The following CSPP1 variants were observed in gnomAD, a reference collection of about 807,000 sequenced individuals.
CSPP1 encodes the protein centrosome and spindle pole-associated protein 1.
Under a neutral mutation model 164.4 loss-of-function variants are expected in CSPP1, and 126 were observed. The ratio of observed to expected loss-of-function variants is 0.77; its 90% CI spans 0.66 to 0.89. CSPP1 has a LOEUF of 0.89. Ranked by LOEUF, CSPP1 falls within the 40% of genes least tolerant of loss-of-function variation. The pLI is 0.00. For synonymous variants in CSPP1, 472 were observed against 476.7 expected (o/e 0.99, Z 0.13); for missense variants, 1,395 against 1,449.8 (o/e 0.96, Z 0.61).
In CSPP1 at chr8:67,074,296, G is replaced by C; in HGVS notation, c.44G>C (p.Arg15Thr). ...GAATTTATTGAAGAGCAAAAAGCCA[G>C]ATTGGCCGAAGACAAAGCAGAGTTG... ...LDEFIEEQKA[R>T]LAEDKAELES... Residue 15 changes from arginine to threonine, a missense_variant, in exon 2 of 31, where the codon AGA becomes ACA. Arg to Thr is a moderately conservative substitution (Grantham distance 71). Transcript: ENST00000678616. 1 of 1,611,624 alleles carries C rather than the reference G, an allele frequency of 6.2e-7. No individual in the cohort carries two copies. Among genetic ancestry groups the C allele is most frequent in the Non-Finnish European group, 8.5e-7 (1 of 1,178,932 alleles).
intron 5 of CSPP1, 28 bp downstream of exon 5, chr8:67,091,911 G>T: frequency 9.7e-7 from 1 of 1,027,654 alleles, no homozygotes. Context: ...GTTATTGTGG[G>T]TACCAGTTTT....
Position 67,190,676 on chromosome 8 carries a change from A to T in CSPP1, c.3247A>T (p.Ile1083Phe). ...GGCTTACGGTGAGACATATCCTGCC[A>T]TTGAAGATGACGTCCTCCCTCCACC... Reference protein sequence around the residue: ...IGAYGETYPAIEDDVLPPPSQ... With the variant: ...IGAYGETYPAFEDDVLPPPSQ... The change falls in exon 29 of 31, where the codon ATT becomes TTT. Residue 1083 changes from isoleucine to phenylalanine, a missense_variant. Ile to Phe is a conservative substitution (Grantham distance 21, BLOSUM62 0). Coordinates refer to ENST00000678616, the MANE Select transcript of CSPP1 (RefSeq NM_001382391.1). The T allele has an allele frequency of 2.5e-6, 4 of 1,614,142 alleles. No individual in the cohort carries two copies. The highest frequency in any genetic ancestry group is 3.4e-6 in the Non-Finnish European group (4 of 1,179,994).
At position 67,195,590 on chromosome 8, in the gene CSPP1, T is replaced by C. The variant is rs766225860; in HGVS notation, c.3678T>C (p.Gly1226=). The C allele has an allele frequency of 6.2e-7, 1 of 1,613,872 alleles. No individual in the cohort carries two copies. The highest frequency in any genetic ancestry group is 8.5e-7 in the Non-Finnish European group (1 of 1,179,822). ...GGCAGGGCCTGTCGACTGCACATGG[T>C]TAAAATAAACCTGTACTGGACCCAG... ...FTWQGLSTAH[G] is the part of the protein sequence containing the mutation. Residue 1226 remains glycine (G), a synonymous_variant, in exon 31 of 31, where the codon GGT becomes GGC. Coordinates refer to ENST00000678616, the MANE Select transcript of CSPP1 (RefSeq NM_001382391.1).
At chr8:67,094,056 G>C (rs1812173390) in intron 6 of CSPP1, among the ~76,000 whole-genome samples, 1 of 120,950 alleles carries the variant, frequency 8.3e-6, no homozygotes, top group Non-Finnish European at 1.6e-5. Flanking sequence ...GGAGGCAGAG[G>C]TTGCAGTGAG....
At chr8:67,143,231 T>C (rs1823856273) in intron 17 of CSPP1, among the ~76,000 whole-genome samples, 1 of 152,100 alleles carries the variant, frequency 6.6e-6, no homozygotes, top group Non-Finnish European at 1.5e-5. Flanking sequence ...ATTTCTATCC[T>C]TTTGCCCGTA....
chr8:67,140,841 G>T (rs1323283634), intron 17 of CSPP1, among the ~76,000 whole-genome samples: 1 of 152,090 alleles, frequency 6.6e-6, no homozygotes, highest in Non-Finnish European at 1.5e-5. Flanking sequence ...TTTTCTTCTT[G>T]TCCAGGGACA....
chr8:67,129,329 C>G (rs926317173), intron 15 of CSPP1, among the ~76,000 whole-genome samples: 1 of 151,728 alleles, frequency 6.6e-6, no homozygotes, highest in Non-Finnish European at 1.5e-5. Context: ...AAGGAAGGTA[C>G]AAGGATTAGA....
At chr8:67,077,934 A>G (rs918517197) in intron 3 of CSPP1, among the ~76,000 whole-genome samples, 10 of 152,322 alleles carry the variant, frequency 6.6e-5, no homozygotes, top group African/African-American at 2.2e-4. Context: ...AATCTCTTAT[A>G]AATTATTAAT....
intron 9 of CSPP1, among the ~76,000 whole-genome samples, chr8:67,110,527 A>G (rs1013062623): frequency 1.3e-5 from 2 of 152,126 alleles, no homozygotes; most frequent in African/African-American, 4.8e-5. Context: ...CACTCTGTGA[A>G]TGCACAAACT....
At chr8:67,180,875 A>G (rs112210869) in intron 28 of CSPP1, among the ~76,000 whole-genome samples, 3,358 of 152,048 alleles carry the variant, frequency 0.022, 80 homozygotes, top group South Asian at 0.046. Flanking sequence ...TTAAAGTAGT[A>G]TACACTTACG....
chr8:67,158,531 C>A lies in CSPP1; in HGVS notation c.2326C>A (p.Gln776Lys), dbSNP rs1827108150. 1 of 1,612,108 alleles carries A rather than the reference C, an allele frequency of 6.2e-7. No individual in the cohort carries two copies. Among genetic ancestry groups the A allele is most frequent in the Admixed American group, 1.7e-5 (1 of 59,916 alleles). ...EEKEERRLAE[Q>K]RARIQQEYEE... ...AAAAGAAGAAAGACGGCTTGCAGAA[C>A]AGAGGGCACGAATTCAGCAGGAGTA... Residue 776 changes from glutamine to lysine, a missense_variant, in exon 20 of 31, where the codon CAG becomes AAG. Gln to Lys is a moderately conservative substitution (Grantham distance 53, BLOSUM62 1). Transcript: ENST00000678616.
intron 3 of CSPP1, among the ~76,000 whole-genome samples, chr8:67,082,238 C>A (rs1308811586): frequency 2.6e-5 from 4 of 152,142 alleles, no homozygotes; most frequent in African/African-American, 9.7e-5. Context: ...TTCATAGAGA[C>A]AGGGTTTCAC....
chr8:67,135,599 T>C (rs1315433676), intron 16 of CSPP1: 1 of 152,262 alleles, frequency 6.6e-6, no homozygotes, highest in Non-Finnish European at 1.5e-5. Flanking sequence ...TGCTCTGGTT[T>C]AGGCTTTGGC....
intron 29 of CSPP1, among the ~76,000 whole-genome samples, chr8:67,191,812 A>C (rs1171341813): frequency 6.6e-6 from 1 of 152,146 alleles, no homozygotes; most frequent in Non-Finnish European, 1.5e-5. Context: ...TGTATTTAGC[A>C]TTTTGAGGAA....
In CSPP1 at chr8:67,064,410, G is replaced by A. The variant is rs1374530363; in HGVS notation, c.-139G>A. 2.5e-6 allele frequency: 4 copies of A among 1,613,642 alleles called. No homozygotes were observed. In the South Asian group the frequency reaches 3.3e-5, roughly 13 times the overall value. ...CCCGGAGGTCTGTCATGCTGTTCCC[G>A]CTCCAGGTGGCCGCTGTAACCTCTT... On this transcript the variant is annotated 5_prime_UTR_variant, in exon 1 of 31. Transcript: ENST00000678616.
At chr8:67,152,852 A>G (rs1263920153) in intron 18 of CSPP1, among the ~76,000 whole-genome samples, 1 of 152,236 alleles carries the variant, frequency 6.6e-6, no homozygotes, top group Admixed American at 6.5e-5. Context: ...AATAGACCTG[A>G]GTGGTAGCTG....
rs530309894 is a variant in CSPP1, at chr8:67,159,933, C to T, written c.2538+796C>T. 3.3e-4 allele frequency among the ~76,000 whole-genome samples: 16 copies of T among 48,006 alleles called. 1 individual carries two copies. The highest frequency in any genetic ancestry group is 1.7e-3 in the South Asian group (2 of 1,190). The allele number at this position is 48,006 out of a possible 152,430, so 31.5% of individuals were successfully genotyped here. Reference sequence around the variant, plus strand: ...CTTTCTTTCTTTCTTTCCTTTCCTTCCTTCCTTCCTTCCTTCCTTCCTTCT... The same window carrying T: ...CTTTCTTTCTTTCTTTCCTTTCCTTTCTTCCTTCCTTCCTTCCTTCCTTCT... On this transcript the variant is annotated intron_variant, in intron 21 of 30. Transcript: ENST00000678616.
chr8:67,108,061 T>C (rs1163688366), intron 9 of CSPP1, among the ~76,000 whole-genome samples: 1 of 142,584 alleles, frequency 7.0e-6, no homozygotes, highest in South Asian at 2.2e-4. Flanking sequence ...CTTGAAAGAA[T>C]GTGCATGGTG....
Position 67,070,290 on chromosome 8 carries a change from G to A in CSPP1, c.-10-3953G>A, listed in dbSNP as rs546154730. Among the ~76,000 whole-genome samples, 52 of 151,910 alleles carry A rather than the reference G, an allele frequency of 3.4e-4. 1 individual carries two copies. The South Asian group carries it at 0.011, about 32-fold the overall frequency. On this transcript the variant is annotated intron_variant, in intron 1 of 30. Coordinates refer to ENST00000678616, the MANE Select transcript of CSPP1 (RefSeq NM_001382391.1). Reference sequence around the variant, plus strand: ...ATCCTGGCTAACACAGTGAAACCCTGTCTCTACTAATAATACAAAAAAATT... The same window carrying A: ...ATCCTGGCTAACACAGTGAAACCCTATCTCTACTAATAATACAAAAAAATT...
Sources: allele counts gnomAD v4.1 joint callset (sites outside exome capture counted in the v4.1 genomes callset), GRCh38; gene constraint gnomAD v4.1.1; transcripts MANE v1.5; gene names NCBI Gene and HGNC (gene_info 2026-07-23, HGNC 2026-07-21).